KCNIP4: variants seen among roughly 807,000 people sequenced by gnomAD.
KCNIP4 encodes Kv channel-interacting protein 4.
In KCNIP4, 12 loss-of-function variants were observed where a neutral mutation model predicts 34.0. That is an observed-to-expected ratio of 0.35 (90% confidence interval 0.23 to 0.57). KCNIP4 has a LOEUF of 0.57. Ranked by LOEUF, KCNIP4 falls within the 20% of genes least tolerant of loss-of-function variation. The pLI is 0.83. For synonymous variants in KCNIP4, 124 were observed against 102.2 expected (o/e 1.21, Z -1.29); for missense variants, 238 against 311.7 (o/e 0.76, Z 1.78).
rs573981809 is a variant in KCNIP4, at chr4:21,016,602, CTTTTAT to C, written c.62-133899_62-133894del. Among the ~76,000 whole-genome samples, 846 of 152,050 alleles carry C rather than the reference CTTTTAT, an allele frequency of 5.6e-3. 12 individuals are homozygous for C. Among genetic ancestry groups the C allele is most frequent in the South Asian group, 0.037 (179 of 4,814 alleles). ...GAGACACCTCACCCAGCCAAGCTTT[CTTTTAT>C]TTTTATTTTTATTTTTTTCGGATGG... On this transcript the variant is annotated intron_variant, in intron 1 of 8. Coordinates refer to ENST00000382152, the MANE Select transcript of KCNIP4 (RefSeq NM_025221.6).
intron 1 of KCNIP4, among the ~76,000 whole-genome samples, chr4:21,342,000 C>T (rs1716806657): frequency 1.3e-5 from 2 of 152,102 alleles, no homozygotes; most frequent in Admixed American, 1.3e-4. Context: ...CTTGTGTCCC[C>T]TCTTATAAGG....
At chr4:21,806,010 A>G (rs763585701) in intron 1 of KCNIP4, among the ~76,000 whole-genome samples, 63 of 152,248 alleles carry the variant, frequency 4.1e-4, no homozygotes, top group Non-Finnish European at 8.4e-4. Context: ...TTAGATGGAC[A>G]CATCAATTGT....
chr4:20,893,588 A>ATTT (rs35952261), intron 1 of KCNIP4, among the ~76,000 whole-genome samples: 7 of 136,862 alleles, frequency 5.1e-5, no homozygotes, highest in East Asian at 2.2e-4. Context: ...ATGCCCCAGT[A>ATTT]TTTTTTTTTT....
chr4:21,372,688 T>C (rs1305531412), intron 1 of KCNIP4, among the ~76,000 whole-genome samples: 1 of 146,732 alleles, frequency 6.8e-6, no homozygotes, highest in Non-Finnish European at 1.5e-5. Context: ...CAAATTGATG[T>C]TGAAAGGTAT....
intron 1 of KCNIP4, among the ~76,000 whole-genome samples, chr4:21,482,482 C>T (rs2109836408): frequency 6.6e-6 from 1 of 152,280 alleles, no homozygotes; most frequent in South Asian, 2.1e-4. Context: ...GTGCTTCCTT[C>T]AGGAGCTCTT....
intron 1 of KCNIP4, among the ~76,000 whole-genome samples, chr4:21,614,131 C>T (rs1261883545): frequency 7.0e-6 from 1 of 143,706 alleles, no homozygotes; most frequent in East Asian, 2.0e-4. Flanking sequence ...GGTGAGAAAG[C>T]GAGACTCTAT....
At chr4:21,935,016 A>T (rs539857234) in intron 1 of KCNIP4, among the ~76,000 whole-genome samples, 9 of 152,032 alleles carry the variant, frequency 5.9e-5, no homozygotes, top group Admixed American at 6.5e-5. Flanking sequence ...CTGTCATCTG[A>T]ATAATATCCT....
chr4:21,835,580 T>C (rs201796145), intron 1 of KCNIP4, among the ~76,000 whole-genome samples: 1 of 105,026 alleles, frequency 9.5e-6, no homozygotes, highest in South Asian at 2.6e-4. Context: ...TTTTCTTACG[T>C]TTTTTTTTGT....
chr4:21,774,960 T>C (rs927692285), intron 1 of KCNIP4, among the ~76,000 whole-genome samples: 6 of 152,242 alleles, frequency 3.9e-5, no homozygotes, highest in Non-Finnish European at 7.3e-5. Context: ...TTCATCCATC[T>C]GATCCTCTGT....
chr4:20,737,444 G>A (rs571088518), intron 5 of KCNIP4, among the ~76,000 whole-genome samples: 149 of 151,406 alleles, frequency 9.8e-4, no homozygotes, highest in Non-Finnish European at 1.9e-3. Context: ...AAGAGTAAGA[G>A]TCAGAAATGG....
At chr4:21,865,624 A>G (rs977288154) in intron 1 of KCNIP4, among the ~76,000 whole-genome samples, 1 of 150,042 alleles carries the variant, frequency 6.7e-6, no homozygotes, top group African/African-American at 2.5e-5. Flanking sequence ...GCTCACTGCA[A>G]CCTCCGCCTC....
In KCNIP4 at chr4:20,916,220, T is replaced by C. The variant is rs1478373985; in HGVS notation, c.62-33511A>G. ...TCTTATAAAATGACCCCTAACTCTCTCAGGTTCTCTCTATGATTTCTGCCC... is the reference window on the plus strand; with the variant it reads ...TCTTATAAAATGACCCCTAACTCTCCCAGGTTCTCTCTATGATTTCTGCCC... On this transcript the variant is annotated intron_variant, in intron 1 of 8. Transcript: ENST00000382152. 2.9e-5 allele frequency: 17 copies of C among 576,840 alleles called. No homozygotes were observed. The East Asian group carries it at 4.4e-4, about 15-fold the overall frequency. 35.7% of individuals were successfully genotyped at this position (576,840 alleles called of 1,614,324 possible).
intron 1 of KCNIP4, among the ~76,000 whole-genome samples, chr4:21,508,434 A>C (rs1193279627): frequency 1.3e-5 from 2 of 152,154 alleles, no homozygotes; most frequent in African/African-American, 4.8e-5. Context: ...TTAATCAGAA[A>C]TGTCCCCTCT....
At chr4:21,269,977 T>C (rs746855129) in intron 1 of KCNIP4, among the ~76,000 whole-genome samples, 3 of 152,224 alleles carry the variant, frequency 2.0e-5, no homozygotes, top group Non-Finnish European at 2.9e-5. Context: ...TTCTTCCCTG[T>C]TACTCTTCAA....
chr4:21,277,480 G>C (rs1762509785), intron 1 of KCNIP4, among the ~76,000 whole-genome samples: 2 of 152,088 alleles, frequency 1.3e-5, no homozygotes, highest in African/African-American at 4.8e-5. Context: ...AGAATAAGTA[G>C]CCATTGTATA....
intron 1 of KCNIP4, among the ~76,000 whole-genome samples, chr4:21,213,951 G>A (rs141358535): frequency 3.9e-5 from 6 of 152,212 alleles, no homozygotes; most frequent in Non-Finnish European, 7.4e-5. Context: ...ACAGAGTGTC[G>A]TACAGCCCAG....
intron 1 of KCNIP4, among the ~76,000 whole-genome samples, chr4:21,785,619 T>TAAATAAATAAATAAAATAAAATA (rs1560712838): frequency 3.6e-4 from 44 of 122,534 alleles, no homozygotes; most frequent in African/African-American, 1.9e-3. Context: ...ATAAATAAAA[T>TAAATAAATAAATAAAATAAAATA]AAAAAAATAA....
intron 1 of KCNIP4, among the ~76,000 whole-genome samples, chr4:21,148,157 G>A (rs1024209528): frequency 3.3e-5 from 5 of 151,858 alleles, no homozygotes; most frequent in African/African-American, 7.3e-5. Flanking sequence ...AATGATTTTC[G>A]CTCAGTAGCT....
chr4:20,860,620 T>C (rs1479365555), intron 2 of KCNIP4, among the ~76,000 whole-genome samples: 1 of 152,226 alleles, frequency 6.6e-6, no homozygotes, highest in Non-Finnish European at 1.5e-5. Context: ...CTCTGAGCCA[T>C]TACTCCTAAT....
Sources: gnomAD v4.1 joint callset for allele counts (sites outside exome capture counted in the v4.1 genomes callset) on GRCh38, gnomAD v4.1.1 for gene constraint, MANE v1.5 for transcripts, NCBI Gene and HGNC (gene_info 2026-07-23, HGNC 2026-07-21) for gene names.